Variants in BRCA1 observed in about 807,000 individuals in gnomAD.
BRCA1 encodes the protein BRCA1 DNA repair associated.
In BRCA1, 140 loss-of-function variants were observed where a neutral mutation model predicts 173.7. The ratio of observed to expected loss-of-function variants is 0.81; its 90% CI spans 0.70 to 0.93. The LOEUF (loss-of-function observed/expected upper bound fraction) is 0.93, where lower values mean the gene tolerates loss of function less well. BRCA1 is among the 40% of genes least tolerant of loss of function. The pLI is 0.00. For missense variants in BRCA1, 1,983 were observed against 2,172.5 expected (o/e 0.91, Z 1.73); for synonymous variants, 662 against 756.0 (o/e 0.88, Z 2.04).
chr17:43,067,314 G>A lies in BRCA1; in HGVS notation c.5074+294C>T, dbSNP rs1414354158. 1.6e-5 allele frequency: 4 copies of A among 257,472 alleles called. No individual in the cohort carries two copies. The East Asian group carries it at 3.9e-4, about 25-fold the overall frequency. The allele number at this position is 257,472 out of a possible 1,614,324, so 15.9% of individuals were successfully genotyped here. ...TCTGTCGCCAGGCTGGAATGCAGTG[G>A]CATGATCTCGGCTCACTGCAACCTC... On this transcript the variant is annotated intron_variant, in intron 16 of 22. Transcript: ENST00000357654.
At chr17:43,160,700 G>A (rs574714892) in intron 1 of BRCA1, 3 of 152,180 alleles carry the variant, frequency 2.0e-5, no homozygotes, top group South Asian at 2.1e-4. Flanking sequence ...AAGACAATAT[G>A]AGGGGTGGTC....
At chr17:43,074,628 T>C (rs919995683) in intron 13 of BRCA1, 107 bp from the exon 14 acceptor site, 8 of 1,077,832 alleles carry the variant, frequency 7.4e-6, no homozygotes, top group African/African-American at 4.7e-5. Context: ...GTCAGAGAGA[T>C]CAGAAATGAC....
At chr17:43,064,827 A>ATTTTTTTTTTTGTTTTTT (rs2051985758) in intron 16 of BRCA1, among the ~76,000 whole-genome samples, 1 of 106,694 alleles carries the variant, frequency 9.4e-6, no homozygotes, top group African/African-American at 4.1e-5. Context: ...TTTGATTTGC[A>ATTTTTTTTTTTGTTTTTT]TTTTTTTTTT....
At chr17:43,169,993 T>C in intron 1 of BRCA1, 1 of 467,642 alleles carries the variant, frequency 2.1e-6, no homozygotes, top group South Asian at 1.6e-5. Context: ...ATAAGGGCAT[T>C]GATCTTATCC....
chr17:43,101,590 C>G (rs529523935), intron 6 of BRCA1, among the ~76,000 whole-genome samples: 1 of 152,024 alleles, frequency 6.6e-6, no homozygotes, highest in East Asian at 1.9e-4. Flanking sequence ...GCAACCTCCG[C>G]GTCCTAGGTT....
upstream of BRCA1, among the ~76,000 whole-genome samples, chr17:43,127,679 G>A (rs2055923407): frequency 1.3e-5 from 2 of 152,164 alleles, no homozygotes; most frequent in African/African-American, 4.8e-5. Flanking sequence ...TTAGCTCTCT[G>A]TAAAATGGAC....
intron 16 of BRCA1, among the ~76,000 whole-genome samples, chr17:43,066,940 C>A (rs1031787876): frequency 6.6e-6 from 1 of 151,020 alleles, no homozygotes; most frequent in African/African-American, 2.4e-5. Flanking sequence ...GCCTCAGCCT[C>A]CTGAGTAGCT....
chr17:43,096,104 C>T (rs373097715), intron 8 of BRCA1, among the ~76,000 whole-genome samples, 182 bp from the exon 9 acceptor site: 24 of 152,184 alleles, frequency 1.6e-4, no homozygotes, highest in African/African-American at 4.3e-4. Context: ...TTGCTGGGCA[C>T]GGTGGCTCAA....
intron 3 of BRCA1, chr17:43,110,452 G>A: frequency 2.9e-6 from 1 of 341,530 alleles, no homozygotes; most frequent in South Asian, 2.2e-5. Context: ...TGGATATGGT[G>A]GTGTGCACTT....
intron 11 of BRCA1, among the ~76,000 whole-genome samples, chr17:43,087,675 A>G (rs2053280980): frequency 1.3e-5 from 2 of 151,890 alleles, no homozygotes; most frequent in African/African-American, 2.4e-5. Context: ...AAAAAAAAAA[A>G]AAAAAAGAAA....
At chr17:43,135,296 C>CA (rs2056008917) in intron 1 of BRCA1, among the ~76,000 whole-genome samples, 1 of 135,988 alleles carries the variant, frequency 7.4e-6, no homozygotes, top group Admixed American at 7.4e-5. Context: ...CAGAGCGCAG[C>CA]GGCCGGCCCA....
chr17:43,119,045 C>T (rs1311458369), intron 2 of BRCA1: 2 of 216,954 alleles, frequency 9.2e-6, no homozygotes, highest in East Asian at 6.8e-5. Flanking sequence ...TGAGCCACTA[C>T]ACTTAGCTCT....
intron 1 of BRCA1, among the ~76,000 whole-genome samples, chr17:43,153,869 A>G (rs1272036978): frequency 6.6e-6 from 1 of 152,170 alleles, no homozygotes. Context: ...TGTAGTAGGT[A>G]CTCACTAAAG....
intron 1 of BRCA1, chr17:43,170,092 TG>T: frequency 3.0e-6 from 1 of 331,104 alleles, no homozygotes; most frequent in Non-Finnish European, 6.1e-6. Context: ...CGGGCGAGTG[TG>T]GGGCTGGGGC....
At chr17:43,153,911 G>A (rs1024427718) in intron 1 of BRCA1, among the ~76,000 whole-genome samples, 2 of 152,196 alleles carry the variant, frequency 1.3e-5, no homozygotes, top group Non-Finnish European at 2.9e-5. Flanking sequence ...TTAAGGCTGG[G>A]CGTGGTGCCT....
At chr17:43,113,670 ATTTTC>A (rs1351197486) in intron 3 of BRCA1, among the ~76,000 whole-genome samples, 3 of 151,748 alleles carry the variant, frequency 2.0e-5, no homozygotes, top group Non-Finnish European at 2.9e-5. Context: ...CCCGTCCTCT[ATTTTC>A]TTTTATTTGT....
At chr17:43,119,446 A>G (rs1443208145) in intron 2 of BRCA1, among the ~76,000 whole-genome samples, 1 of 152,230 alleles carries the variant, frequency 6.6e-6, no homozygotes, top group African/African-American at 2.4e-5. Context: ...AGTTGTGTAT[A>G]TAAGCAGAGC....
At chr17:43,160,468 G>A (rs1224129791) in intron 1 of BRCA1, 1 of 152,054 alleles carries the variant, frequency 6.6e-6, no homozygotes, top group Non-Finnish European at 1.5e-5. Flanking sequence ...CGTGACTGGG[G>A]GCTGCACGCA....
intron 1 of BRCA1, among the ~76,000 whole-genome samples, chr17:43,134,369 A>C (rs2055998306): frequency 6.6e-6 from 1 of 152,160 alleles, no homozygotes; most frequent in South Asian, 2.1e-4. Flanking sequence ...AAGTAAAAGA[A>C]GATCTGGAGA....
Sources: gnomAD v4.1 joint callset for allele counts (sites outside exome capture counted in the v4.1 genomes callset) on GRCh38, gnomAD v4.1.1 for gene constraint, MANE v1.5 for transcripts, NCBI Gene and HGNC (gene_info 2026-07-23, HGNC 2026-07-21) for gene names.